MED30: variants seen among roughly 807,000 people sequenced by gnomAD.
MED30 encodes the protein mediator of RNA polymerase II transcription subunit 30.
MED30 carries 8 observed loss-of-function variants against 21.7 expected under a neutral mutation model. That is an observed-to-expected ratio of 0.37 (90% CI 0.22 to 0.67). The LOEUF (loss-of-function observed/expected upper bound fraction) is 0.67. Ranked by LOEUF, MED30 falls within the 30% of genes least tolerant of loss-of-function variation. The pLI is 0.58. For missense variants in MED30, 203 were observed against 228.2 expected (o/e 0.89, Z 0.71); for synonymous variants, 79 against 86.7 (o/e 0.91, Z 0.49).
chr8:117,526,548 A>G (rs1818722790), intron 1 of MED30, among the ~76,000 whole-genome samples: 1 of 152,014 alleles, frequency 6.6e-6, no homozygotes, highest in African/African-American at 2.4e-5. Flanking sequence ...GGATACGATC[A>G]TGTATTTATG....
chr8:117,527,636 C>CTTTTTTTTTTTTTTTTTTTTCTTTT (rs3040826), intron 1 of MED30, among the ~76,000 whole-genome samples: 1 of 127,600 alleles, frequency 7.8e-6, no homozygotes, highest in Non-Finnish European at 1.7e-5. Flanking sequence ...TTTTTTCTTT[C>CTTTTTTTTTTTTTTTTTTTTCTTTT]TTTTTTTTTT....
intron 1 of MED30, among the ~76,000 whole-genome samples, chr8:117,527,852 TTGTACAGC>T (rs1465974007): frequency 6.6e-6 from 1 of 151,866 alleles, no homozygotes; most frequent in Admixed American, 6.6e-5. Flanking sequence ...GAATAAAATA[TTGTACAGC>T]TGTACAGAGA....
chr8:117,530,407 G>A (rs1348728681), intron 2 of MED30: 13 of 164,916 alleles, frequency 7.9e-5, no homozygotes. Flanking sequence ...TGATTGAGTA[G>A]GGTTTTTTTA....
At position 117,537,164 on chromosome 8, in the gene MED30, A is replaced by AT. The variant is rs760978677; in HGVS notation, c.442-2713dup. ...AGTCCATGCATTTAGAAAGTAAACC[A>AT]TTTTTTGTCAAGTGTCACAGCTTTT... On this transcript the variant is annotated intron_variant, in intron 3 of 3. Transcript: ENST00000297347. 3.3e-5 allele frequency among the ~76,000 whole-genome samples: 5 copies of AT among 152,220 alleles called. 1 individual carries two copies. Among genetic ancestry groups the AT allele is most frequent in the East Asian group, 1.9e-4 (1 of 5,202 alleles).
intron 3 of MED30, among the ~76,000 whole-genome samples, chr8:117,536,957 G>A (rs542378393): frequency 6.6e-6 from 1 of 152,288 alleles, no homozygotes; most frequent in South Asian, 2.1e-4. Context: ...TTTTAAGAAA[G>A]CTTACAAATT....
intron 1 of MED30, chr8:117,523,516 T>A: frequency 6.3e-7 from 1 of 1,594,690 alleles, no homozygotes; most frequent in South Asian, 1.1e-5. Context: ...CAGATGAAGG[T>A]AATCACAGAG....
chr8:117,537,145 T>G (rs2130819435), intron 3 of MED30, among the ~76,000 whole-genome samples: 1 of 152,378 alleles, frequency 6.6e-6, no homozygotes, highest in South Asian at 2.1e-4. Flanking sequence ...ATTGAGTCCA[T>G]GCATTTAGAA....
chr8:117,539,886 C>T lies in MED30; in HGVS notation c.445C>T (p.Leu149Phe), dbSNP rs1818949124. The part of the protein sequence containing the change: ...RREIAEVNKK[L>F]KQKNQQLKQI... ...ATAAATTCTTTTGTTTCTACAGAAA[C>T]TCAAACAGAAGAATCAACAGCTGAA... is the stretch of plus-strand genomic sequence containing the variant. The change falls in exon 4 of 4, where the codon CTC becomes TTC. Residue 149 changes from leucine (L) to phenylalanine (F), a missense_variant. Transcript: ENST00000297347. 6.3e-7 allele frequency: 1 copy of T among 1,590,336 alleles called. No individual in the cohort carries two copies. The highest frequency in any genetic ancestry group is 8.6e-7 in the Non-Finnish European group (1 of 1,163,120).
At chr8:117,537,090 A>G (rs193255758) in intron 3 of MED30, among the ~76,000 whole-genome samples, 96 of 152,392 alleles carry the variant, frequency 6.3e-4, no homozygotes, top group Non-Finnish European at 1.1e-3. Flanking sequence ...TCTTGATGGT[A>G]AAATGAAATT....
chr8:117,528,978 A>G, intron 2 of MED30, 169 bp downstream of exon 2: 1 of 410,712 alleles, frequency 2.4e-6, no homozygotes, highest in Non-Finnish European at 4.2e-6. Flanking sequence ...TGCATAAAAT[A>G]CTACTATATT....
intron 1 of MED30, among the ~76,000 whole-genome samples, chr8:117,522,072 A>C (rs548889748): frequency 6.6e-6 from 1 of 152,282 alleles, no homozygotes; most frequent in South Asian, 2.1e-4. Flanking sequence ...GTTTCTCCTC[A>C]TCCTCATCAA....
Position 117,520,819 on chromosome 8 carries a change from G to C in MED30, c.-58G>C. 3 of 1,474,072 alleles carry C rather than the reference G, an allele frequency of 2.0e-6. No individual in the cohort carries two copies. The highest frequency in any genetic ancestry group is 2.7e-6 in the Non-Finnish European group (3 of 1,106,254). The allele number at this position is 1,474,072 out of a possible 1,614,324, so 91.3% of individuals were successfully genotyped here. ...TGAGGCCCCACAGCCTCCCAATTCC[G>C]GGCAGACCCCTGACACCTGCTGTCT... On this transcript the variant is annotated 5_prime_UTR_variant, in exon 1 of 4. Coordinates refer to ENST00000297347, the MANE Select transcript of MED30 (RefSeq NM_080651.4).
Position 117,520,753 on chromosome 8 carries a change from G to T in MED30, c.-124G>T. ...GGGCGGAAGTCGCGGCCGCTGTTTT[G>T]AAATCGGGCCGCGGGGGGTCTCTCA... is the stretch of plus-strand genomic sequence containing the variant. On this transcript the variant is annotated 5_prime_UTR_variant, in exon 1 of 4. Coordinates refer to ENST00000297347, the MANE Select transcript of MED30 (RefSeq NM_080651.4). 160 of 977,332 alleles carry T rather than the reference G, an allele frequency of 1.6e-4. No individual in the cohort carries two copies. Among genetic ancestry groups the T allele is most frequent in the Middle Eastern group, 6.8e-4 (2 of 2,948 alleles). 60.5% of individuals were successfully genotyped at this position (977,332 alleles called of 1,614,324 possible).
chr8:117,523,357 C>A lies in MED30; in HGVS notation c.177+2304C>A, dbSNP rs773085688. 3.3e-6 allele frequency: 5 copies of A among 1,524,358 alleles called. No homozygotes were observed. The East Asian group carries it at 6.8e-5, about 21-fold the overall frequency. The allele number at this position is 1,524,358 out of a possible 1,614,324, so 94.4% of individuals were successfully genotyped here. A position where few individuals can be genotyped will look rare whatever the true frequency, so the allele number is the denominator to read the frequency against. On this transcript the variant is annotated intron_variant, in intron 1 of 3. Transcript: ENST00000297347. ...CCCAGTCTCGGCTTTCTTGTCGGCA[C>A]CAGGGGGCACAGCACTCCGTCTGTA...
chr8:117,531,661 A>C, intron 3 of MED30, among the ~76,000 whole-genome samples: 1 of 152,030 alleles, frequency 6.6e-6, no homozygotes, highest in South Asian at 2.1e-4. Context: ...TGCTGATTCA[A>C]AGGACACTTA....
At chr8:117,539,786 C>A in intron 3 of MED30, 97 bp from the exon 4 acceptor site, 1 of 724,730 alleles carries the variant, frequency 1.4e-6, no homozygotes, top group Non-Finnish European at 2.3e-6. Flanking sequence ...TAATTTCTGT[C>A]TGTATCATTA....
chr8:117,525,958 C>G (rs1818713437), intron 1 of MED30, among the ~76,000 whole-genome samples: 1 of 152,016 alleles, frequency 6.6e-6, no homozygotes, highest in Non-Finnish European at 1.5e-5. Flanking sequence ...GTCCGTTCGG[C>G]CTAGAAAGAC....
chr8:117,529,928 A>T (rs542707653), intron 2 of MED30, among the ~76,000 whole-genome samples: 24 of 152,118 alleles, frequency 1.6e-4, no homozygotes, highest in Non-Finnish European at 2.8e-4. Context: ...GAATGTAGAC[A>T]TGGGTGAGTT....
At position 117,540,185 on chromosome 8, in the gene MED30, G is replaced by T. The variant is rs1328978272; in HGVS notation, c.*207G>T. 7 of 320,684 alleles carry T rather than the reference G, an allele frequency of 2.2e-5. No individual in the cohort carries two copies. Among genetic ancestry groups the T allele is most frequent in the South Asian group, 2.1e-4 (3 of 14,016 alleles). The allele number at this position is 320,684 out of a possible 1,614,324, so 19.9% of individuals were successfully genotyped here. The stretch of plus-strand genomic sequence containing the variant: ...GATTATTGTAATAAACTTTGATGGG[G>T]TTTGTATTTTGGTTAATCTTCATGA... On this transcript the variant is annotated 3_prime_UTR_variant, in exon 4 of 4. Transcript: ENST00000297347.
Sources: allele counts gnomAD v4.1 joint callset (sites outside exome capture counted in the v4.1 genomes callset), GRCh38; gene constraint gnomAD v4.1.1; transcripts MANE v1.5; gene names NCBI Gene and HGNC (gene_info 2026-07-23, HGNC 2026-07-21).